The following CEACAM5 variants were observed in gnomAD, a reference collection of about 807,000 sequenced individuals.
CEACAM5 encodes cell adhesion molecule CEACAM5.
Under a neutral mutation model 63.0 loss-of-function variants are expected in CEACAM5, and 52 were observed. That is an observed-to-expected ratio of 0.83 (90% CI 0.66 to 1.04). The LOEUF is 1.04. CEACAM5 is among the 50% of genes least tolerant of loss of function. The pLI is 0.00. For synonymous variants in CEACAM5, 357 were observed against 351.3 expected, an observed-to-expected ratio of 1.02 and a Z score of -0.18; for missense variants, 790 against 864.8, an observed-to-expected ratio of 0.91 and a Z score of 1.08.
rs1555815270 is a variant in CEACAM5 at position 41,717,600 on chromosome 19, G to T, written c.1104G>T (p.Arg368Ser). 6.2e-7 allele frequency: 1 copy of T among 1,614,056 alleles called. No individual in the cohort carries two copies. Among genetic ancestry groups the T allele is most frequent in the Admixed American group, 1.7e-5 (1 of 59,994 alleles). Residue 368 changes from arginine (R) to serine (S), a missense_variant, in exon 5 of 10, where the codon AGG becomes AGT. Arg to Ser is a moderately radical substitution (Grantham distance 110). Coordinates refer to ENST00000221992, the MANE Select transcript of CEACAM5 (RefSeq NM_004363.6). ...VNNQSLPVSP[R>S]LQLSNDNRTL... Reference sequence around the variant, plus strand: ...ATCAGAGCCTCCCGGTCAGTCCCAGGCTGCAGCTGTCCAATGACAACAGGA... The same window carrying T: ...ATCAGAGCCTCCCGGTCAGTCCCAGTCTGCAGCTGTCCAATGACAACAGGA...
Position 41,718,186 on chromosome 19 carries a change from C to G in CEACAM5, c.1296C>G (p.Asn432Lys), listed in dbSNP as rs2072559062. 6.2e-7 allele frequency: 1 copy of G among 1,614,228 alleles called. No homozygotes were observed. The highest frequency in any genetic ancestry group is 2.2e-5 in the East Asian group (1 of 44,892). Residue 432 changes from asparagine to lysine, a missense_variant, in exon 6 of 10, where the codon AAC becomes AAG. Transcript: ENST00000221992. The stretch of plus-strand genomic sequence containing the variant: ...ACACCTATTACCGTCCAGGGGTGAA[C>G]CTCAGCCTCTCCTGCCATGCAGCCT... ...PSYTYYRPGV[N>K]LSLSCHAASN...
intron 4 of CEACAM5, among the ~76,000 whole-genome samples, chr19:41,717,046 T>G (rs1207502247): frequency 6.6e-6 from 1 of 152,168 alleles, no homozygotes; most frequent in African/African-American, 2.4e-5. Flanking sequence ...TAGCAAAGCC[T>G]CAGAGCAAAC....
rs115233397 is a variant in CEACAM5, at chr19:41,708,725, A to G, written c.-7A>G. 2.6e-3 allele frequency: 4,254 copies of G among 1,609,602 alleles called. 71 individuals are homozygous for G. The African/African-American group carries it at 0.043, about 16-fold the overall frequency. On this transcript the variant is annotated 5_prime_UTR_variant, in exon 1 of 10. Transcript: ENST00000221992. ...CACAGAGGAGGACAGAGCAGACAGC[A>G]GAGACCATGGAGTCTCCCTCGGCCC...
intron 2 of CEACAM5, among the ~76,000 whole-genome samples, chr19:41,711,561 C>T (rs888952992): frequency 5.9e-5 from 9 of 152,066 alleles, no homozygotes; most frequent in African/African-American, 1.4e-4. Flanking sequence ...CCCCCTGTCC[C>T]GAAAGCCACC....
chr19:41,727,405 T>C, intron 9 of CEACAM5, 53 bp downstream of exon 9: 1 of 899,252 alleles, frequency 1.1e-6, no homozygotes, highest in East Asian at 2.4e-5. Context: ...CTGACTGCCA[T>C]GCTTGGGAGA....
rs781898276 is a variant in CEACAM5, at chr19:41,719,996, C to A, written c.1559C>A (p.Ala520Asp). The A allele has an allele frequency of 1.2e-6, 2 of 1,614,216 alleles. No individual in the cohort carries two copies. The highest frequency in any genetic ancestry group is 1.7e-6 in the Non-Finnish European group (2 of 1,180,044). Residue 520 changes from alanine to aspartate, a missense_variant, in exon 7 of 10, where the codon GCC becomes GAC. Ala to Asp is a moderately radical substitution (Grantham distance 126). Coordinates refer to ENST00000221992, the MANE Select transcript of CEACAM5 (RefSeq NM_004363.6). ...CCCGTGGAGGACAAGGATGCTGTGG[C>A]CTTCACCTGTGAACCTGAGGCTCAG... ...SKPVEDKDAV[A>D]FTCEPEAQNT...
At chr19:41,728,460 C>A (rs549808106) in intron 9 of CEACAM5, among the ~76,000 whole-genome samples, 2 of 152,254 alleles carry the variant, frequency 1.3e-5, no homozygotes, top group South Asian at 4.1e-4. Flanking sequence ...GGACTTGGGG[C>A]TAAACCCATG....
Position 41,717,459 on chromosome 19 carries a change from G to A in CEACAM5, c.963G>A (p.Glu321=), listed in dbSNP as rs782335096. 3.1e-6 allele frequency: 5 copies of A among 1,612,848 alleles called. No individual in the cohort carries two copies. Among genetic ancestry groups the A allele is most frequent in the African/African-American group, 1.3e-5 (1 of 75,024 alleles). The change falls in exon 5 of 10, where the codon GAG becomes GAA. Residue 321 remains glutamate (E), a synonymous_variant. Coordinates refer to ENST00000221992, the MANE Select transcript of CEACAM5 (RefSeq NM_004363.6). ...TTVTTITVYA[E]PPKPFITSNN... Reference sequence around the variant, plus strand: ...TTCTCTCTGTTATCTGCACAGCAGAGCCACCCAAACCCTTCATCACCAGCA... The same window carrying A: ...TTCTCTCTGTTATCTGCACAGCAGAACCACCCAAACCCTTCATCACCAGCA...
chr19:41,726,003 C>T (rs2072695118), intron 8 of CEACAM5, among the ~76,000 whole-genome samples: 1 of 152,056 alleles, frequency 6.6e-6, no homozygotes, highest in Non-Finnish European at 1.5e-5. Context: ...AATTCTTCAA[C>T]TGAAAATTGT....
chr19:41,724,549 C>T (rs1336204852), intron 8 of CEACAM5, among the ~76,000 whole-genome samples: 1 of 152,140 alleles, frequency 6.6e-6, no homozygotes, highest in Non-Finnish European at 1.5e-5. Context: ...CTGCAGCTCA[C>T]TTTGAGTGGT....
At chr19:41,725,795 T>G (rs1197037569) in intron 8 of CEACAM5, among the ~76,000 whole-genome samples, 1 of 152,362 alleles carries the variant, frequency 6.6e-6, no homozygotes, top group Non-Finnish European at 1.5e-5. Context: ...ATTCCTTCTA[T>G]TGTTTTTCAA....
At chr19:41,716,122 G>A (rs1312980726) in intron 4 of CEACAM5, among the ~76,000 whole-genome samples, 1 of 152,184 alleles carries the variant, frequency 6.6e-6, no homozygotes, top group East Asian at 1.9e-4. Flanking sequence ...TGGAATGTGG[G>A]GAGGAGGCTC....
At chr19:41,721,816 A>G (rs1453062808) in intron 8 of CEACAM5, among the ~76,000 whole-genome samples, 1 of 152,232 alleles carries the variant, frequency 6.6e-6, no homozygotes, top group Non-Finnish European at 1.5e-5. Flanking sequence ...GGAAATGGGA[A>G]AAGAGGGAGC....
chr19:41,717,820 C>A, intron 5 of CEACAM5, 87 bp downstream of exon 5: 2 of 1,501,336 alleles, frequency 1.3e-6, no homozygotes, highest in Non-Finnish European at 1.8e-6. Flanking sequence ...CTCTCAGGCC[C>A]AAGGACAGAG....
At chr19:41,725,915 G>A (rs2072694393) in intron 8 of CEACAM5, among the ~76,000 whole-genome samples, 1 of 151,984 alleles carries the variant, frequency 6.6e-6, no homozygotes, top group South Asian at 2.1e-4. Flanking sequence ...TTAGGTTGTT[G>A]ATTTGAGATC....
chr19:41,712,830 T>G (rs1217711680), intron 2 of CEACAM5, among the ~76,000 whole-genome samples: 1 of 152,232 alleles, frequency 6.6e-6, no homozygotes, highest in Non-Finnish European at 1.5e-5. Context: ...AATTTAATGT[T>G]TCCCCCAAAT....
In CEACAM5 at chr19:41,715,221, C is replaced by T. The variant is rs782304728; in HGVS notation, c.675C>T (p.Arg225=). Residue 225 remains arginine, a synonymous_variant, in exon 3 of 10, where the codon CGC becomes CGT. Coordinates refer to ENST00000221992, the MANE Select transcript of CEACAM5 (RefSeq NM_004363.6). ...CETQNPVSAR[R]SDSVILNVLY... ...CCCAGAACCCAGTGAGTGCCAGGCGCAGTGATTCAGTCATCCTGAATGTCC... is the reference window on the plus strand; with the variant it reads ...CCCAGAACCCAGTGAGTGCCAGGCGTAGTGATTCAGTCATCCTGAATGTCC... 1 of 1,614,214 alleles carries T rather than the reference C, an allele frequency of 6.2e-7. No individual in the cohort carries two copies. The highest frequency in any genetic ancestry group is 1.3e-5 in the African/African-American group (1 of 75,046).
chr19:41,715,698 C>G lies in CEACAM5; in HGVS notation c.752C>G (p.Ser251Ter). 6.2e-7 allele frequency: 1 copy of G among 1,614,170 alleles called. No individual in the cohort carries two copies. Among genetic ancestry groups the G allele is most frequent in the Non-Finnish European group, 8.5e-7 (1 of 1,180,016 alleles). Residue 251 changes from serine to a stop codon, truncating the protein, a stop_gained, in exon 4 of 10, where the codon TCA becomes TGA. Coordinates refer to ENST00000221992, the MANE Select transcript of CEACAM5 (RefSeq NM_004363.6). LOFTEE classifies it high-confidence loss of function. Reference sequence around the variant, plus strand: ...TCCCCTCTAAACACATCTTACAGATCAGGGGAAAATCTGAACCTCTCCTGC... The same window carrying G: ...TCCCCTCTAAACACATCTTACAGATGAGGGGAAAATCTGAACCTCTCCTGC... ...TISPLNTSYR[S>*]GENLNLSCHA...
At chr19:41,727,478 C>T (rs2072716473) in intron 9 of CEACAM5, 126 bp downstream of exon 9, 2 of 653,322 alleles carry the variant, frequency 3.1e-6, no homozygotes, top group South Asian at 3.7e-5. Context: ...CAAGCTCCTG[C>T]TTCTCAGCAC....
Sources: gnomAD v4.1 joint callset for allele counts (sites outside exome capture counted in the v4.1 genomes callset) on GRCh38, gnomAD v4.1.1 for gene constraint, MANE v1.5 for transcripts, NCBI Gene and HGNC (gene_info 2026-07-23, HGNC 2026-07-21) for gene names.